The following DSE variants were observed in gnomAD, a reference collection of about 807,000 sequenced individuals.
DSE encodes dermatan sulfate epimerase.
In DSE, 36 loss-of-function variants were observed where a neutral mutation model predicts 84.4. The ratio of observed to expected loss-of-function variants is 0.43; its 90% CI spans 0.33 to 0.56. The LOEUF (loss-of-function observed/expected upper bound fraction) is 0.56, where lower values mean the gene tolerates loss of function less well. DSE is among the 20% of genes least tolerant of loss of function. The pLI is 0.06. For synonymous variants in DSE, 410 were observed against 430.1 expected (o/e 0.95, Z 0.58); for missense variants, 862 against 1,169.6 (o/e 0.74, Z 3.84).
At chr6:116,420,257 G>T (rs1355330618) in intron 2 of DSE, among the ~76,000 whole-genome samples, 5 of 152,142 alleles carry the variant, frequency 3.3e-5, no homozygotes, top group African/African-American at 4.8e-5. Flanking sequence ...GCTATGAACT[G>T]AATGGGACCC....
At chr6:116,375,242 A>G (rs1779852414) in intron 1 of DSE, among the ~76,000 whole-genome samples, 1 of 152,232 alleles carries the variant, frequency 6.6e-6, no homozygotes, top group Non-Finnish European at 1.5e-5. Flanking sequence ...GATGATAACA[A>G]TAATGAAGAA....
chr6:116,327,972 C>T (rs1237786250), intron 2 of DSE, among the ~76,000 whole-genome samples: 1 of 152,148 alleles, frequency 6.6e-6, no homozygotes, highest in Non-Finnish European at 1.5e-5. Flanking sequence ...ACATCAAAGC[C>T]AAAAGCACAG....
chr6:116,432,703 C>T (rs182739426), intron 4 of DSE: 3 of 150,766 alleles, frequency 2.0e-5, no homozygotes, highest in African/African-American at 7.3e-5. Flanking sequence ...TTTTCATGAA[C>T]ACGTGGAGCA....
chr6:116,274,002 G>C (rs1051431601), intron 2 of DSE, among the ~76,000 whole-genome samples: 1 of 151,230 alleles, frequency 6.6e-6, no homozygotes, highest in African/African-American at 2.4e-5. Context: ...GCTAATTTTT[G>C]TAATTTTAGT....
intron 2 of DSE, among the ~76,000 whole-genome samples, chr6:116,349,322 CA>C (rs1778181006): frequency 1.3e-5 from 2 of 152,100 alleles, no homozygotes. Context: ...ACACTTGAGC[CA>C]ATGAAGTTTC....
chr6:116,402,811 A>G (rs1315270263), intron 2 of DSE, among the ~76,000 whole-genome samples: 1 of 152,206 alleles, frequency 6.6e-6, no homozygotes, highest in Non-Finnish European at 1.5e-5. Context: ...ACACCAATGA[A>G]GAAGGTTTAG....
chr6:116,385,463 T>C (rs1428241306), intron 1 of DSE, among the ~76,000 whole-genome samples: 3 of 151,774 alleles, frequency 2.0e-5, no homozygotes, highest in Non-Finnish European at 4.4e-5. Flanking sequence ...CTGGACGGAT[T>C]TGGAGTAGAG....
At chr6:116,327,942 G>A (rs1776720716) in intron 2 of DSE, among the ~76,000 whole-genome samples, 1 of 152,100 alleles carries the variant, frequency 6.6e-6, no homozygotes, top group South Asian at 2.1e-4. Flanking sequence ...TGGAGCTTCC[G>A]CCACAGAGGC....
In DSE at chr6:116,357,223, T is replaced by C. The variant is rs147892560; in HGVS notation, c.-53-41975T>C. 7.9e-5 allele frequency among the ~76,000 whole-genome samples: 12 copies of C among 152,270 alleles called. No homozygotes were observed. In the East Asian group the frequency reaches 2.1e-3, roughly 27 times the overall value. ...GGGTGGTGAGCCCCTCCCTGGCTCATGCCCTTTAGCCACAAAAACAAGTTA... is the reference window on the plus strand; with the variant it reads ...GGGTGGTGAGCCCCTCCCTGGCTCACGCCCTTTAGCCACAAAAACAAGTTA... On this transcript the variant is annotated intron_variant, in intron 2 of 3. Coordinates refer to the DSE transcript ENST00000430252.
chr6:116,391,875 C>T (rs778970153), intron 1 of DSE, among the ~76,000 whole-genome samples: 10 of 151,688 alleles, frequency 6.6e-5, no homozygotes, highest in Non-Finnish European at 1.3e-4. Flanking sequence ...TTCTGCAGTA[C>T]CAAAGCCATA....
chr6:116,410,733 CAAAAAAAAAAAAAAAAAAAAAAA>C (rs765969508), intron 2 of DSE, among the ~76,000 whole-genome samples: 1 of 79,616 alleles, frequency 1.3e-5, no homozygotes, highest in Non-Finnish European at 2.3e-5. Flanking sequence ...GACTCTGTCT[CAAAAAAAAAAAAAAAAAAAAAAA>C]AAAAAAAAAA....
chr6:116,435,831 C>G lies in DSE; in HGVS notation c.1363C>G (p.Gln455Glu). 1 of 1,614,102 alleles carries G rather than the reference C, an allele frequency of 6.2e-7. No homozygotes were observed. Among genetic ancestry groups the G allele is most frequent in the Non-Finnish European group, 8.5e-7 (1 of 1,180,018 alleles). Residue 455 changes from glutamine (Q) to glutamate (E), a missense_variant, in exon 6 of 6, where the codon CAA (glutamine) becomes GAA (glutamate). Gln to Glu is a conservative substitution (Grantham distance 29). Coordinates refer to ENST00000644252, the MANE Select transcript of DSE (RefSeq NM_013352.4). ...TAATGCAGGGCATGAACATCCTGAT[C>G]AAAACTCATTTACTTTTGCTCCCAA... is the stretch of plus-strand genomic sequence containing the variant. Reference protein sequence around the residue: ...NFNAGHEHPDQNSFTFAPNGV... With the variant: ...NFNAGHEHPDENSFTFAPNGV...
At chr6:116,350,392 G>C (rs1347637416) in intron 2 of DSE, among the ~76,000 whole-genome samples, 2 of 152,078 alleles carry the variant, frequency 1.3e-5, no homozygotes, top group African/African-American at 4.8e-5. Context: ...GATTATATGA[G>C]AACTCTTCAG....
At chr6:116,319,963 C>T (rs1358103490) in intron 2 of DSE, among the ~76,000 whole-genome samples, 5 of 152,210 alleles carry the variant, frequency 3.3e-5, no homozygotes, top group African/African-American at 1.2e-4. Flanking sequence ...CTGTCCCTGA[C>T]TTTCTAGGAA....
At chr6:116,271,061 C>A (rs113935921) in intron 2 of DSE, among the ~76,000 whole-genome samples, 49 of 152,314 alleles carry the variant, frequency 3.2e-4, no homozygotes, top group African/African-American at 1.2e-3. Flanking sequence ...CAAATTGTGA[C>A]CCCACAGGGT....
chr6:116,400,279 A>C lies in DSE; in HGVS notation c.416+613A>C, dbSNP rs1260720247. On this transcript the variant is annotated intron_variant, in intron 2 of 5. Coordinates refer to ENST00000644252, the MANE Select transcript of DSE (RefSeq NM_013352.4). ...CTGTCTTTTCGATTAGCTTAAATTT[A>C]TTTGATTAATTTATAATTAATGCTT... is the stretch of plus-strand genomic sequence containing the variant. The C allele has an allele frequency of 2.0e-5, 3 of 152,280 alleles. No homozygotes were observed. The East Asian group carries it at 5.8e-4, about 29-fold the overall frequency. 9.4% of individuals were successfully genotyped at this position (152,280 alleles called of 1,614,324 possible).
At chr6:116,330,443 A>G (rs566797964) in intron 2 of DSE, among the ~76,000 whole-genome samples, 49 of 152,292 alleles carry the variant, frequency 3.2e-4, no homozygotes, top group African/African-American at 1.2e-3. Flanking sequence ...GGTATTACAT[A>G]TGTTTTTGAC....
At chr6:116,322,471 C>T (rs1776384865) in intron 2 of DSE, among the ~76,000 whole-genome samples, 1 of 152,124 alleles carries the variant, frequency 6.6e-6, no homozygotes, top group African/African-American at 2.4e-5. Context: ...CAGCCAGCCT[C>T]CCAGAGGGAG....
At position 116,438,656 on chromosome 6, in the gene DSE, CAT is replaced by C. The variant is rs368570697; in HGVS notation, c.*1316_*1317del. Reference sequence around the variant, plus strand: ...TATCATACATTCAGCATATTTGAGTCATATATTTCTCCTTTGAAACAAAATAT... The same window carrying C: ...TATCATACATTCAGCATATTTGAGTCATATTTCTCCTTTGAAACAAAATAT... On this transcript the variant is annotated 3_prime_UTR_variant, in exon 6 of 6. Transcript: ENST00000644252. 8 of 152,224 alleles carry C rather than the reference CAT, an allele frequency of 5.3e-5. No individual in the cohort carries two copies. The highest frequency in any genetic ancestry group is 7.4e-5 in the Non-Finnish European group (5 of 67,996). The allele number at this position is 152,224 out of a possible 1,614,324, so 9.4% of individuals were successfully genotyped here. A position where few individuals can be genotyped will look rare whatever the true frequency, so the allele number is the denominator to read the frequency against.
Sources: gnomAD v4.1 joint callset for allele counts (sites outside exome capture counted in the v4.1 genomes callset) on GRCh38, gnomAD v4.1.1 for gene constraint, MANE v1.5 for transcripts, NCBI Gene and HGNC (gene_info 2026-07-23, HGNC 2026-07-21) for gene names.